The following GABRB1 variants were observed in gnomAD, a reference collection of about 807,000 sequenced individuals.
GABRB1 encodes the protein gamma-aminobutyric acid type A receptor subunit beta1, also known as gamma-aminobutyric acid receptor subunit beta-1.
In GABRB1, 17 loss-of-function variants were observed where a neutral mutation model predicts 51.6. The observed-to-expected ratio is 0.33, with a 90% CI of 0.23 to 0.49. The LOEUF is 0.49. GABRB1 is among the 20% of genes least tolerant of loss of function. The pLI is 0.99. For missense variants in GABRB1, 410 were observed against 600.6 expected, an observed-to-expected ratio of 0.68 and a Z score of 3.32; for synonymous variants, 247 against 218.9, an observed-to-expected ratio of 1.13 and a Z score of -1.14.
At chr4:47,238,701 T>C (rs1369383037) in intron 4 of GABRB1, among the ~76,000 whole-genome samples, 1 of 152,138 alleles carries the variant, frequency 6.6e-6, no homozygotes, top group Non-Finnish European at 1.5e-5. Context: ...ATATCCTAAG[T>C]GTCGAAAAGT....
At chr4:47,157,565 G>T (rs1400280987) in intron 3 of GABRB1, among the ~76,000 whole-genome samples, 5 of 151,968 alleles carry the variant, frequency 3.3e-5, no homozygotes, top group Non-Finnish European at 5.9e-5. Context: ...TGGAAAATTT[G>T]CCCATCTCAC....
intron 3 of GABRB1, among the ~76,000 whole-genome samples, chr4:47,102,481 C>T (rs1456340257): frequency 1.3e-5 from 2 of 151,854 alleles, no homozygotes; most frequent in South Asian, 2.1e-4. Context: ...GTGCAAAGAG[C>T]AATGGGAGTA....
intron 1 of GABRB1, among the ~76,000 whole-genome samples, chr4:47,019,145 C>A (rs959092464): frequency 6.6e-6 from 1 of 152,132 alleles, no homozygotes; most frequent in Non-Finnish European, 1.5e-5. Context: ...AATTTCTCAT[C>A]TGACTAATGG....
intron 5 of GABRB1, among the ~76,000 whole-genome samples, chr4:47,364,277 G>T (rs1028083931): frequency 6.6e-6 from 1 of 152,114 alleles, no homozygotes; most frequent in Admixed American, 6.6e-5. Context: ...AAGGACAAAG[G>T]CCTCCAAACT....
intron 1 of GABRB1, among the ~76,000 whole-genome samples, chr4:47,000,873 T>C (rs962860300): frequency 2.0e-5 from 3 of 152,194 alleles, no homozygotes; most frequent in Non-Finnish European, 4.4e-5. Context: ...CAGAGCATTA[T>C]CCTATTGGTC....
rs574625356 is a variant in GABRB1, at chr4:47,001,456, A to G, written c.-20+7530A>G. On this transcript the variant is annotated intron_variant, in intron 1 of 3. Transcript: ENST00000513567. ...CATGCCCGGCCAGATATTATTTTCA[A>G]TATTTCTGTGAATGTATTTCTTGGA... Among the ~76,000 whole-genome samples, 5 of 152,246 alleles carry G rather than the reference A, an allele frequency of 3.3e-5. No individual in the cohort carries two copies. The South Asian group carries it at 1.0e-3, about 32-fold the overall frequency.
Position 47,073,238 on chromosome 4 carries a change from T to C in GABRB1, c.240+40754T>C, listed in dbSNP as rs114103580. ...AAGGAAAACAGCATAGCCCCTTTGT[T>C]ACCATCCGAATGTCTGGACATATTT... On this transcript the variant is annotated intron_variant, in intron 3 of 8. Transcript: ENST00000295454. Among the ~76,000 whole-genome samples the C allele has an allele frequency of 6.6e-4, 100 of 152,320 alleles. 1 individual carries two copies. Among genetic ancestry groups the C allele is most frequent in the Admixed American group, 2.0e-3 (31 of 15,298 alleles).
intron 3 of GABRB1, among the ~76,000 whole-genome samples, chr4:47,137,669 T>C (rs1051696766): frequency 1.3e-5 from 2 of 152,128 alleles, no homozygotes; most frequent in African/African-American, 4.8e-5. Context: ...AAACATAGGC[T>C]AATATGAATC....
At chr4:47,130,042 T>G (rs1428787223) in intron 3 of GABRB1, among the ~76,000 whole-genome samples, 1 of 152,174 alleles carries the variant, frequency 6.6e-6, no homozygotes, top group Non-Finnish European at 1.5e-5. Context: ...TCCCAGGGAA[T>G]CACATGCCCT....
intron 4 of GABRB1, among the ~76,000 whole-genome samples, chr4:47,272,417 G>A (rs1014372291): frequency 1.3e-5 from 2 of 151,498 alleles, no homozygotes; most frequent in African/African-American, 2.4e-5. Context: ...ATTTTATTCC[G>A]TTTTCTTTAC....
intron 4 of GABRB1, among the ~76,000 whole-genome samples, chr4:47,199,573 C>G (rs1000964111): frequency 6.6e-6 from 1 of 151,996 alleles, no homozygotes; most frequent in African/African-American, 2.4e-5. Flanking sequence ...AAGAGACAGA[C>G]AGAGGACAAA....
intron 3 of GABRB1, among the ~76,000 whole-genome samples, chr4:47,045,379 TC>T (rs1256740353): frequency 4.6e-5 from 7 of 152,072 alleles, no homozygotes; most frequent in Non-Finnish European, 8.8e-5. Flanking sequence ...TTAGCATAGT[TC>T]CCTGACCCTG....
chr4:47,230,014 G>T (rs1396297967), intron 4 of GABRB1, among the ~76,000 whole-genome samples: 1 of 152,074 alleles, frequency 6.6e-6, no homozygotes, highest in Non-Finnish European at 1.5e-5. Flanking sequence ...TTAATAAGGG[G>T]TACTTTATTG....
chr4:47,038,815 G>C (rs1175825301), intron 3 of GABRB1, among the ~76,000 whole-genome samples: 1 of 152,132 alleles, frequency 6.6e-6, no homozygotes, highest in African/African-American at 2.4e-5. Context: ...TTTCCAGTTG[G>C]CTTAGGTTTC....
In GABRB1 at chr4:47,192,189, T is replaced by C. The variant is rs11942210; in HGVS notation, c.461+30720T>C. Among the ~76,000 whole-genome samples, 1,152 of 152,128 alleles carry C rather than the reference T, an allele frequency of 7.6e-3. 12 individuals carry two copies. Among genetic ancestry groups the C allele is most frequent in the African/African-American group, 0.026 (1,086 of 41,502 alleles). ...TCAAAAGAGAGATACTAGATCCCTA[T>C]GTCTTTAACGCTTACTTTACTATCA... On this transcript the variant is annotated intron_variant, in intron 4 of 8. Transcript: ENST00000295454.
intron 4 of GABRB1, among the ~76,000 whole-genome samples, chr4:47,173,738 CT>C (rs1718540988): frequency 1.3e-5 from 2 of 152,132 alleles, no homozygotes; most frequent in Non-Finnish European, 1.5e-5. Flanking sequence ...TCTTGTGCCC[CT>C]GTTCTCTCTT....
intron 5 of GABRB1, among the ~76,000 whole-genome samples, chr4:47,346,313 A>T (rs558637274): frequency 1.6e-4 from 24 of 152,320 alleles, no homozygotes; most frequent in Non-Finnish European, 2.2e-4. Context: ...AAAAATGAAG[A>T]TCTTGACTGT....
chr4:47,008,876 T>TTTTTTTTTTTTTTTTTTTTTTTTTTTTTC (rs1724498731), intron 1 of GABRB1, among the ~76,000 whole-genome samples: 1 of 111,786 alleles, frequency 8.9e-6, no homozygotes, highest in Non-Finnish European at 1.9e-5. Context: ...TTTTTTTTTT[T>TTTTTTTTTTTTTTTTTTTTTTTTTTTTTC]TTTTTTGAGA....
intron 3 of GABRB1, among the ~76,000 whole-genome samples, chr4:47,151,736 T>C (rs957151925): frequency 2.0e-5 from 3 of 152,078 alleles, no homozygotes; most frequent in African/African-American, 7.2e-5. Context: ...TTGTGTCATA[T>C]TCCATTATGT....
Sources: gnomAD v4.1 joint callset for allele counts (sites outside exome capture counted in the v4.1 genomes callset) on GRCh38, gnomAD v4.1.1 for gene constraint, MANE v1.5 for transcripts, NCBI Gene and HGNC (gene_info 2026-07-23, HGNC 2026-07-21) for gene names.